RBPMS: variants seen among roughly 807,000 people sequenced by gnomAD.
The protein encoded by RBPMS is RNA-binding protein with multiple splicing.
A neutral mutation model predicts 26.8 loss-of-function variants in RBPMS; 7 were observed. That is an observed-to-expected ratio of 0.26 (90% CI 0.15 to 0.49). RBPMS has a LOEUF of 0.49. RBPMS is among the 20% of genes least tolerant of loss of function. The pLI is 0.98. For missense variants in RBPMS, 186 were observed against 250.0 expected, an observed-to-expected ratio of 0.74 and a Z score of 1.73; for synonymous variants, 96 against 93.3, an observed-to-expected ratio of 1.03 and a Z score of -0.17.
Position 30,511,388 on chromosome 8 carries a change from G to A in RBPMS, c.397+6952G>A, listed in dbSNP as rs150000468. Among the ~76,000 whole-genome samples the A allele has an allele frequency of 6.6e-5, 10 of 150,926 alleles. No homozygotes were observed. The South Asian group carries it at 8.4e-4, about 13-fold the overall frequency. On this transcript the variant is annotated intron_variant, in intron 5 of 8. Coordinates refer to ENST00000397323, the MANE Select transcript of RBPMS (RefSeq NM_001008710.3). ...TGTAATCCTAGCACTTTGGGAGGCCGAGGCAGGCGGGTTGCCTGAGCTCAG... is the reference window on the plus strand; with the variant it reads ...TGTAATCCTAGCACTTTGGGAGGCCAAGGCAGGCGGGTTGCCTGAGCTCAG...
At position 30,411,985 on chromosome 8, in the gene RBPMS, C is replaced by CA. The variant is rs11367222; in HGVS notation, c.66+26843dup. ...TGGGCAATAGAGTGAGACTTCGTCTCAAAAAAAAAAAAAAAACAAAAACAA... is the reference window on the plus strand; with the variant it reads ...TGGGCAATAGAGTGAGACTTCGTCTCAAAAAAAAAAAAAAAAACAAAAACAA... On this transcript the variant is annotated intron_variant, in intron 1 of 8. Transcript: ENST00000397323. Among the ~76,000 whole-genome samples the CA allele has an allele frequency of 4.0e-3, 482 of 120,868 alleles. 2 individuals are homozygous for CA. Among genetic ancestry groups the CA allele is most frequent in the East Asian group, 0.016 (48 of 3,056 alleles). 79.3% of individuals were successfully genotyped at this position (120,868 alleles called of 152,430 possible).
intron 5 of RBPMS, among the ~76,000 whole-genome samples, chr8:30,541,518 C>T (rs1825387666): frequency 6.6e-6 from 1 of 152,116 alleles, no homozygotes; most frequent in South Asian, 2.1e-4. Flanking sequence ...CCCTGCCTCT[C>T]AGGAGGGATG....
intron 6 of RBPMS, chr8:30,545,318 A>AT: frequency 4.3e-6 from 5 of 1,169,924 alleles, no homozygotes; most frequent in Non-Finnish European, 5.3e-6. Context: ...TACTGTCTAC[A>AT]TACTAACACT....
chr8:30,514,030 A>G (rs1822022572), intron 5 of RBPMS, among the ~76,000 whole-genome samples: 1 of 152,228 alleles, frequency 6.6e-6, no homozygotes, highest in South Asian at 2.1e-4. Context: ...AGTAGTGGAC[A>G]TAACTACTGG....
intron 1 of RBPMS, among the ~76,000 whole-genome samples, chr8:30,419,492 G>C (rs1015030639): frequency 1.4e-4 from 19 of 138,592 alleles, no homozygotes; most frequent in African/African-American, 4.8e-4. Flanking sequence ...GTCAGCATAG[G>C]AAAGTAGTAC....
At chr8:30,500,839 T>A (rs1820483655) in intron 4 of RBPMS, among the ~76,000 whole-genome samples, 1 of 152,110 alleles carries the variant, frequency 6.6e-6, no homozygotes, top group Admixed American at 6.5e-5. Flanking sequence ...AGAAGAAGGC[T>A]TAGAGGGCAG....
intron 1 of RBPMS, among the ~76,000 whole-genome samples, chr8:30,419,449 A>AAT (rs149607674): frequency 0.042 from 1,744 of 41,676 alleles, 43 homozygotes; most frequent in African/African-American, 0.2. Flanking sequence ...GCATCTCAAA[A>AAT]ATGTGTGTGT....
chr8:30,475,797 T>C (rs1215130521), intron 2 of RBPMS, among the ~76,000 whole-genome samples: 1 of 152,212 alleles, frequency 6.6e-6, no homozygotes, highest in Non-Finnish European at 1.5e-5. Flanking sequence ...GTCTAGCTTA[T>C]GTGCCAAGAG....
intron 1 of RBPMS, among the ~76,000 whole-genome samples, chr8:30,393,940 A>C (rs1808086344): frequency 8.1e-6 from 1 of 123,686 alleles, no homozygotes; most frequent in Admixed American, 8.9e-5. Context: ...TATTTCTCTT[A>C]GGTTTTAACT....
At position 30,448,459 on chromosome 8, in the gene RBPMS, C is replaced by T. The variant is rs10089916; in HGVS notation, c.67-26320C>T. 8.7e-3 allele frequency among the ~76,000 whole-genome samples: 1,328 copies of T among 152,280 alleles called. 20 individuals are homozygous for T. The highest frequency in any genetic ancestry group is 0.031 in the African/African-American group (1,278 of 41,558). On this transcript the variant is annotated intron_variant, in intron 1 of 8. Transcript: ENST00000397323. ...TTCAGTACTAGTCTTAAAACCAGGT[C>T]CTTTTCCATTCCCTCCCATCTTGAC...
intron 5 of RBPMS, among the ~76,000 whole-genome samples, chr8:30,519,497 T>G (rs1308884849): frequency 1.3e-5 from 1 of 77,230 alleles, no homozygotes; most frequent in Non-Finnish European, 2.5e-5. Flanking sequence ...TTTTTTTTTT[T>G]TTTGGAGACG....
Position 30,385,073 on chromosome 8 carries a change from G to T in RBPMS, c.-20G>T. 2.0e-6 allele frequency: 3 copies of T among 1,503,492 alleles called. No homozygotes were observed. The highest frequency in any genetic ancestry group is 2.8e-5 in the East Asian group (1 of 35,126). The allele number at this position is 1,503,492 out of a possible 1,614,324, so 93.1% of individuals were successfully genotyped here. ...CCCGCGCCCCAGCCCTGCCCGGCCC[G>T]GCGAGGAAGGACCGGGAAGATGAAC... is the stretch of plus-strand genomic sequence containing the variant. On this transcript the variant is annotated 5_prime_UTR_variant, in exon 1 of 9. Coordinates refer to ENST00000397323, the MANE Select transcript of RBPMS (RefSeq NM_001008710.3).
intron 5 of RBPMS, among the ~76,000 whole-genome samples, chr8:30,520,809 T>G (rs1203889821): frequency 6.6e-6 from 1 of 152,010 alleles, no homozygotes; most frequent in Non-Finnish European, 1.5e-5. Context: ...GAGAATAAAA[T>G]TTTTAGAAAG....
At chr8:30,484,205 T>A (rs546796846) in intron 4 of RBPMS, among the ~76,000 whole-genome samples, 1 of 152,334 alleles carries the variant, frequency 6.6e-6, no homozygotes, top group African/African-American at 2.4e-5. Flanking sequence ...AAAAACTTGT[T>A]CCTGTTTGTA....
At chr8:30,467,965 G>T (rs1037526817) in intron 1 of RBPMS, among the ~76,000 whole-genome samples, 8 of 150,088 alleles carry the variant, frequency 5.3e-5, no homozygotes, top group African/African-American at 1.9e-4. Context: ...TAGATAATTT[G>T]GTATGTATTC....
chr8:30,569,394 GTGA>G (rs1013706516), intron 8 of RBPMS, among the ~76,000 whole-genome samples: 41 of 152,180 alleles, frequency 2.7e-4, no homozygotes, highest in African/African-American at 9.4e-4. Context: ...GAGAACCCCT[GTGA>G]GGAGCTCAGA....
chr8:30,385,261 T>C, intron 1 of RBPMS, 103 bp downstream of exon 1: 2 of 761,414 alleles, frequency 2.6e-6, no homozygotes, highest in South Asian at 3.1e-5. Flanking sequence ...GGTTCAGGCA[T>C]GGCCCGTGCC....
intron 5 of RBPMS, among the ~76,000 whole-genome samples, chr8:30,519,628 C>T (rs750047442): frequency 2.6e-5 from 4 of 151,862 alleles, no homozygotes; most frequent in South Asian, 2.1e-4. Flanking sequence ...GGACTATAGG[C>T]GCCCACCACT....
Position 30,511,000 on chromosome 8 carries a change from G to A in RBPMS, c.397+6564G>A, listed in dbSNP as rs376687820. Among the ~76,000 whole-genome samples the A allele has an allele frequency of 1.1e-4, 16 of 152,114 alleles. No individual in the cohort carries two copies. The South Asian group carries it at 3.3e-3, about 32-fold the overall frequency. Reference sequence around the variant, plus strand: ...AGAGATATAAAGTCAGGATTTCAGGGCTGGTCAACTTCTTATTGAAAAAAA... The same window carrying A: ...AGAGATATAAAGTCAGGATTTCAGGACTGGTCAACTTCTTATTGAAAAAAA... On this transcript the variant is annotated intron_variant, in intron 5 of 8. Coordinates refer to ENST00000397323, the MANE Select transcript of RBPMS (RefSeq NM_001008710.3).
Sources: allele counts gnomAD v4.1 joint callset (sites outside exome capture counted in the v4.1 genomes callset), GRCh38; gene constraint gnomAD v4.1.1; transcripts MANE v1.5; gene names NCBI Gene and HGNC (gene_info 2026-07-23, HGNC 2026-07-21).